MYO10: variants seen among roughly 807,000 people sequenced by gnomAD.
MYO10 encodes the protein unconventional myosin-X.
A neutral mutation model predicts 257.3 loss-of-function variants in MYO10; 133 were observed. The observed-to-expected ratio is 0.52, with a 90% confidence interval of 0.45 to 0.60. MYO10 has a LOEUF of 0.60. MYO10 is among the 20% of genes least tolerant of loss of function. The pLI is 0.00. For missense variants in MYO10, 2,399 were observed against 2,635.7 expected (o/e 0.91, Z 1.97); for synonymous variants, 1,104 against 1,028.6 (o/e 1.07, Z -1.40).
intron 2 of MYO10, among the ~76,000 whole-genome samples, chr5:16,824,118 C>A (rs1742928010): frequency 6.6e-6 from 1 of 152,144 alleles, no homozygotes; most frequent in Non-Finnish European, 1.5e-5. Context: ...ACACAGATTT[C>A]TTTTATTACA....
intron 19 of MYO10, among the ~76,000 whole-genome samples, chr5:16,747,918 C>CAAAAAAAAAAAAAAAAAAAAAAAAAAAAA (rs777257950): frequency 3.3e-5 from 1 of 30,480 alleles, no homozygotes; most frequent in African/African-American, 4.2e-5. Flanking sequence ...AACTCCGTCT[C>CAAAAAAAAAAAAAAAAAAAAAAAAAAAAA]AAAAAAAAAA....
At chr5:16,764,442 C>T (rs1740807475) in intron 11 of MYO10, 46 bp from the exon 12 acceptor site, 3 of 1,606,222 alleles carry the variant, frequency 1.9e-6, no homozygotes, top group African/African-American at 1.3e-5. Flanking sequence ...CCGGGCACCC[C>T]AGACAGGCAA....
intron 3 of MYO10, among the ~76,000 whole-genome samples, chr5:16,795,374 C>T (rs371540394): frequency 2.0e-5 from 3 of 152,074 alleles, no homozygotes; most frequent in African/African-American, 4.8e-5. Flanking sequence ...GAGGCTGAGG[C>T]GGGCAGATCA....
intron 32 of MYO10, 130 bp from the exon 33 acceptor site, chr5:16,680,234 T>A (rs1485249678): frequency 3.5e-6 from 4 of 1,155,980 alleles, no homozygotes; most frequent in East Asian, 5.2e-5. Flanking sequence ...AATTCCTACA[T>A]GTGTCCTGTC....
rs754343020 is a variant in MYO10 at position 16,783,343 on chromosome 5, A to G, written c.594T>C (p.Leu198=). 7 of 1,578,116 alleles carry G rather than the reference A, an allele frequency of 4.4e-6. No homozygotes were observed. The African/African-American group carries it at 8.1e-5, about 18-fold the overall frequency. The change falls in exon 5 of 41, where the codon CTT becomes CTC. Residue 198 remains leucine, a synonymous_variant. Transcript: ENST00000513610. ...AGAAAATCAATAAATACCTGCTTTC[A>G]AGAATAGCTCGTTCAACACAGGATG... ...EKTSCVERAI[L]ESSPIMEAFG... is the part of the protein sequence containing the mutation.
At chr5:16,890,694 G>A (rs537378893) in intron 1 of MYO10, among the ~76,000 whole-genome samples, 1 of 151,666 alleles carries the variant, frequency 6.6e-6, no homozygotes, top group South Asian at 2.1e-4. Flanking sequence ...ACAAAAATTA[G>A]CCAGGTGTGG....
chr5:16,741,718 G>T, intron 19 of MYO10: 1 of 869,814 alleles, frequency 1.1e-6, no homozygotes, highest in Non-Finnish European at 1.4e-6. Flanking sequence ...TGTTCCCCGT[G>T]TATGATCTCT....
At chr5:16,667,823 G>T (rs1186144714) in intron 40 of MYO10, among the ~76,000 whole-genome samples, 1 of 152,092 alleles carries the variant, frequency 6.6e-6, no homozygotes, top group Non-Finnish European at 1.5e-5. Flanking sequence ...AGGCCTTTTA[G>T]TGTGTGTGGT....
intron 4 of MYO10, among the ~76,000 whole-genome samples, chr5:16,787,125 C>T (rs187285032): frequency 6.6e-6 from 1 of 152,200 alleles, no homozygotes; most frequent in Admixed American, 6.5e-5. Context: ...GCAGAGATTG[C>T]ATCACTGCAC....
chr5:16,850,865 G>C (rs1194485018), intron 2 of MYO10, among the ~76,000 whole-genome samples: 1 of 151,992 alleles, frequency 6.6e-6, no homozygotes, highest in African/African-American at 2.4e-5. Flanking sequence ...GCAGTTGCAT[G>C]ATCTCAGCTC....
At chr5:16,912,396 T>C (rs1455620195) in intron 1 of MYO10, among the ~76,000 whole-genome samples, 1 of 152,188 alleles carries the variant, frequency 6.6e-6, no homozygotes, top group African/African-American at 2.4e-5. Flanking sequence ...CCACTCCCTA[T>C]GGCACACGAC....
In MYO10 at chr5:16,685,840, AAG is replaced by A. The variant is rs770722122; in HGVS notation, c.3897-11_3897-10del. On this transcript the variant is annotated splice_polypyrimidine_tract_variant and intron_variant, in intron 28 of 40. Coordinates refer to ENST00000513610, the MANE Select transcript of MYO10 (RefSeq NM_012334.3). ...GCACGCTGAACCACTGGCTGTGGGGAAGAGAGAGCAACTGTCAAGGAGAGGCC... is the reference window on the plus strand; with the variant it reads ...GCACGCTGAACCACTGGCTGTGGGGAAGAGAGCAACTGTCAAGGAGAGGCC... 4.4e-6 allele frequency: 7 copies of A among 1,581,228 alleles called. No homozygotes were observed. The Admixed American group carries it at 9.1e-5, about 20-fold the overall frequency.
chr5:16,790,032 C>T (rs893230205), intron 4 of MYO10, among the ~76,000 whole-genome samples: 9 of 151,870 alleles, frequency 5.9e-5, no homozygotes, highest in Non-Finnish European at 1.0e-4. Flanking sequence ...ATTACAAGAG[C>T]ACGCCCCCAT....
chr5:16,930,957 A>G (rs1238266129), intron 1 of MYO10, among the ~76,000 whole-genome samples: 2 of 152,130 alleles, frequency 1.3e-5, no homozygotes, highest in African/African-American at 4.8e-5. Flanking sequence ...CTAAGTCCAA[A>G]CTGTTGAAAC....
rs560811057 is a variant in MYO10 at position 16,681,536 on chromosome 5, CTG to C, written c.4190-35_4190-34del. On this transcript the variant is annotated intron_variant, in intron 31 of 40. Coordinates refer to ENST00000513610, the MANE Select transcript of MYO10 (RefSeq NM_012334.3). ...AAAAGATTAAAGTGTAAATTAAAAT[CTG>C]TGAGGAGAAACCCCAAAGACCACAC... 1.8e-4 allele frequency: 288 copies of C among 1,563,220 alleles called. No homozygotes were observed. In the African/African-American group the frequency reaches 3.3e-3, roughly 18 times the overall value.
At chr5:16,793,162 A>G (rs1359052409) in intron 4 of MYO10, among the ~76,000 whole-genome samples, 1 of 152,114 alleles carries the variant, frequency 6.6e-6, no homozygotes, top group East Asian at 1.9e-4. Context: ...ACCTCACTAG[A>G]AGAGACTGAC....
chr5:16,934,990 TTAAA>T (rs1284823177), intron 1 of MYO10, among the ~76,000 whole-genome samples: 1 of 152,086 alleles, frequency 6.6e-6, no homozygotes, highest in African/African-American at 2.4e-5. Flanking sequence ...ACAGAATTTA[TTAAA>T]TAAACACAAC....
chr5:16,924,117 A>G (rs1005199051), intron 1 of MYO10, among the ~76,000 whole-genome samples: 1 of 152,238 alleles, frequency 6.6e-6, no homozygotes, highest in East Asian at 1.9e-4. Context: ...CTCCATACAA[A>G]TAATTCTCCA....
At chr5:16,741,742 A>G (rs751184399) in intron 19 of MYO10, 25 of 941,342 alleles carry the variant, frequency 2.7e-5, no homozygotes, top group Non-Finnish European at 3.0e-5. Flanking sequence ...GTTTTACAAT[A>G]CCATCATCAT....
Sources: allele counts gnomAD v4.1 joint callset (sites outside exome capture counted in the v4.1 genomes callset), GRCh38; gene constraint gnomAD v4.1.1; transcripts MANE v1.5; gene names NCBI Gene and HGNC (gene_info 2026-07-23, HGNC 2026-07-21).